The following RBM18 variants were observed in gnomAD, a reference collection of about 807,000 sequenced individuals.
RBM18 encodes RNA binding motif protein 18.
RBM18 carries 18 observed loss-of-function variants against 26.4 expected under a neutral mutation model. That is an observed-to-expected ratio of 0.68 (90% CI 0.47 to 1.01). RBM18 has a LOEUF of 1.01. Among genes scored for constraint, RBM18 ranks in the 50% least tolerant of loss-of-function variants. The pLI is 0.00. For missense variants in RBM18, 180 were observed against 219.2 expected (o/e 0.82, Z 1.13); for synonymous variants, 74 against 81.1 (o/e 0.91, Z 0.47).
At chr9:122,252,224 C>T (rs201623250) in intron 2 of RBM18, among the ~76,000 whole-genome samples, 2 of 152,224 alleles carry the variant, frequency 1.3e-5, no homozygotes, top group East Asian at 3.8e-4. Flanking sequence ...AAAAACCACA[C>T]CTTACAAACA....
At chr9:122,246,458 C>T (rs1045158664) in intron 4 of RBM18, among the ~76,000 whole-genome samples, 2 of 152,218 alleles carry the variant, frequency 1.3e-5, no homozygotes, top group African/African-American at 4.8e-5. Flanking sequence ...CTCTTGCGTG[C>T]CTTTTCAATG....
At chr9:122,243,781 G>T (rs1831461757) in intron 5 of RBM18, 8 of 985,246 alleles carry the variant, frequency 8.1e-6, no homozygotes, top group Non-Finnish European at 9.6e-6. Flanking sequence ...TAATGCCACA[G>T]CTGGTCACTG....
intron 2 of RBM18, 45 bp from the exon 3 acceptor site, chr9:122,252,018 T>G (rs1564456911): frequency 1.2e-6 from 2 of 1,607,370 alleles, no homozygotes; most frequent in Admixed American, 1.7e-5. Flanking sequence ...GGAATTCTGT[T>G]GGCCACTCAG....
chr9:122,244,986 T>C (rs1018758489), intron 5 of RBM18, among the ~76,000 whole-genome samples: 16 of 152,206 alleles, frequency 1.1e-4, no homozygotes, highest in Non-Finnish European at 7.3e-5. Context: ...GACCTGTCTT[T>C]GTAATTTTAG....
chr9:122,244,967 G>C (rs1254612984), intron 5 of RBM18, among the ~76,000 whole-genome samples: 3 of 152,172 alleles, frequency 2.0e-5, no homozygotes, highest in Admixed American at 6.5e-5. Context: ...TGTTTTTAGG[G>C]TAATGACTGA....
chr9:122,251,278 T>A (rs1831601819), intron 3 of RBM18, among the ~76,000 whole-genome samples: 1 of 152,212 alleles, frequency 6.6e-6, no homozygotes, highest in South Asian at 2.1e-4. Flanking sequence ...CATCTCTACA[T>A]TTAGTAACAA....
In RBM18 at chr9:122,247,762, A is replaced by T. The variant is rs79992592; in HGVS notation, c.241-158T>A. The stretch of plus-strand genomic sequence containing the variant: ...TTACAATTTTACAAGGCAGAATTTT[A>T]AAAAGGGCATGGTTTTTTTGTTGTT... On this transcript the variant is annotated intron_variant, in intron 3 of 5. Transcript: ENST00000417201. Among the ~76,000 whole-genome samples the T allele has an allele frequency of 1.8e-3, 276 of 151,030 alleles. 1 individual carries two copies. Among genetic ancestry groups the T allele is most frequent in the African/African-American group, 6.2e-3 (256 of 41,356 alleles).
rs530527293 is a variant in RBM18, at chr9:122,237,756, G to A, written c.*4128C>T. On this transcript the variant is annotated 3_prime_UTR_variant, in exon 6 of 6. Coordinates refer to ENST00000417201, the MANE Select transcript of RBM18 (RefSeq NM_033117.4). Reference sequence around the variant, plus strand: ...AATTTTTCCTGTAAAGGGACCGATAGTATATATTTCAGGTTTTGTAGGCCA... The same window carrying A: ...AATTTTTCCTGTAAAGGGACCGATAATATATATTTCAGGTTTTGTAGGCCA... 4 of 152,280 alleles carry A rather than the reference G, an allele frequency of 2.6e-5. No homozygotes were observed. Among genetic ancestry groups the A allele is most frequent in the East Asian group, 1.9e-4 (1 of 5,192 alleles). The allele number at this position is 152,280 out of a possible 1,614,324, so 9.4% of individuals were successfully genotyped here.
rs1033582173 is a variant in RBM18 at position 122,240,167 on chromosome 9, G to C, written c.*1717C>G. The C allele has an allele frequency of 5.9e-5, 9 of 152,108 alleles. No homozygotes were observed. The highest frequency in any genetic ancestry group is 2.1e-4 in the South Asian group (1 of 4,828). The allele number at this position is 152,108 out of a possible 1,614,324, so 9.4% of individuals were successfully genotyped here. On this transcript the variant is annotated 3_prime_UTR_variant, in exon 6 of 6. Coordinates refer to ENST00000417201, the MANE Select transcript of RBM18 (RefSeq NM_033117.4). ...CCTATTAAAAATAGAAGACTATTTTGCACTATGTAAGTTCTAGTCCACCAT... is the reference window on the plus strand; with the variant it reads ...CCTATTAAAAATAGAAGACTATTTTCCACTATGTAAGTTCTAGTCCACCAT...
intron 5 of RBM18, chr9:122,243,847 G>A: frequency 2.0e-6 from 2 of 985,256 alleles, no homozygotes; most frequent in Non-Finnish European, 2.4e-6. Flanking sequence ...GATGTTAATA[G>A]AGAGATGTAA....
At chr9:122,249,216 T>C (rs1831557920) in intron 3 of RBM18, among the ~76,000 whole-genome samples, 1 of 152,194 alleles carries the variant, frequency 6.6e-6, no homozygotes, top group South Asian at 2.1e-4. Context: ...CTTTCATCTA[T>C]TCTCCCAACT....
chr9:122,242,578 T>C (rs1462296323), intron 5 of RBM18, among the ~76,000 whole-genome samples: 1 of 151,934 alleles, frequency 6.6e-6, no homozygotes, highest in Middle Eastern at 3.2e-3. Flanking sequence ...ATACAATCTC[T>C]TTTTACTGAT....
intron 3 of RBM18, among the ~76,000 whole-genome samples, chr9:122,251,090 A>T (rs930335241): frequency 6.6e-6 from 1 of 151,844 alleles, no homozygotes; most frequent in Non-Finnish European, 1.5e-5. Flanking sequence ...CATAATTAAA[A>T]AAATTTTTTT....
chr9:122,255,737 A>T (rs1831683350), intron 2 of RBM18, among the ~76,000 whole-genome samples: 1 of 152,070 alleles, frequency 6.6e-6, no homozygotes, highest in Admixed American at 6.6e-5. Context: ...TCTCTTAGCT[A>T]ATCTTCATCT....
chr9:122,258,224 A>G (rs188354476), intron 2 of RBM18, among the ~76,000 whole-genome samples: 1 of 152,112 alleles, frequency 6.6e-6, no homozygotes, highest in Non-Finnish European at 1.5e-5. Context: ...AGGTAATATT[A>G]ATATTTCATG....
intron 4 of RBM18, among the ~76,000 whole-genome samples, chr9:122,246,716 G>C (rs963431148): frequency 6.6e-6 from 1 of 152,152 alleles, no homozygotes; most frequent in African/African-American, 2.4e-5. Flanking sequence ...TTGTTGGGGA[G>C]TGGGGTAGAG....
At chr9:122,248,619 T>TA (rs1564455866) in intron 3 of RBM18, among the ~76,000 whole-genome samples, 2 of 151,950 alleles carry the variant, frequency 1.3e-5, no homozygotes, top group East Asian at 3.9e-4. Context: ...GACAGAGGAG[T>TA]AATACGGTTG....
rs184111361 is a variant in RBM18, at chr9:122,240,228, C to A, written c.*1656G>T. 6.6e-6 allele frequency: 1 copy of A among 152,150 alleles called. No homozygotes were observed. Among genetic ancestry groups the A allele is most frequent in the Non-Finnish European group, 1.5e-5 (1 of 68,030 alleles). The allele number at this position is 152,150 out of a possible 1,614,324, so 9.4% of individuals were successfully genotyped here. A position where few individuals can be genotyped will look rare whatever the true frequency, so the allele number is the denominator to read the frequency against. On this transcript the variant is annotated 3_prime_UTR_variant, in exon 6 of 6. Coordinates refer to ENST00000417201, the MANE Select transcript of RBM18 (RefSeq NM_033117.4). ...AGACTTACGGATAAAATGGTGAATT[C>A]TATACTCCAAGAAGTCACCAGAAAA... is the stretch of plus-strand genomic sequence containing the variant.
intron 2 of RBM18, among the ~76,000 whole-genome samples, chr9:122,253,507 T>C (rs1035486631): frequency 6.6e-6 from 1 of 152,068 alleles, no homozygotes; most frequent in Non-Finnish European, 1.5e-5. Context: ...GGAAGTGACT[T>C]CAGGGGAAAC....
Sources: gnomAD v4.1 joint callset for allele counts (sites outside exome capture counted in the v4.1 genomes callset) on GRCh38, gnomAD v4.1.1 for gene constraint, MANE v1.5 for transcripts, NCBI Gene and HGNC (gene_info 2026-07-23, HGNC 2026-07-21) for gene names.